Variants in NDUFAF2 observed in about 807,000 individuals in gnomAD.
The protein encoded by NDUFAF2 is NADH dehydrogenase [ubiquinone] 1 alpha subcomplex assembly factor 2.
A neutral mutation model predicts 22.8 loss-of-function variants in NDUFAF2; 13 were observed. The observed-to-expected ratio is 0.57, with a 90% CI of 0.37 to 0.91. The LOEUF is 0.91. Among genes scored for constraint, NDUFAF2 ranks in the 40% least tolerant of loss-of-function variants. The pLI is 0.01. For synonymous variants in NDUFAF2, 53 were observed against 64.2 expected (o/e 0.83, Z 0.84); for missense variants, 162 against 195.2 (o/e 0.83, Z 1.01).
chr5:60,968,371 A>G (rs1750784996), intron 1 of NDUFAF2, among the ~76,000 whole-genome samples: 2 of 151,454 alleles, frequency 1.3e-5, no homozygotes, highest in South Asian at 2.1e-4. Context: ...CTTTTCTTCT[A>G]TTAACTTTGA....
intron 2 of NDUFAF2, among the ~76,000 whole-genome samples, chr5:61,096,345 A>G (rs572042821): frequency 4.6e-4 from 70 of 152,270 alleles, no homozygotes; most frequent in African/African-American, 1.7e-3. Flanking sequence ...TCACGCCTGT[A>G]ATCCCAGGAC....
At chr5:61,088,381 G>A (rs1752529522) in intron 2 of NDUFAF2, among the ~76,000 whole-genome samples, 1 of 152,018 alleles carries the variant, frequency 6.6e-6, no homozygotes. Context: ...ATGAGTACCA[G>A]GAGGTGGTGG....
chr5:61,145,140 C>T (rs1741120098), intron 3 of NDUFAF2, among the ~76,000 whole-genome samples: 1 of 152,128 alleles, frequency 6.6e-6, no homozygotes, highest in Non-Finnish European at 1.5e-5. Context: ...TTTGTCATTA[C>T]TACACATAGC....
chr5:61,144,445 T>C, intron 3 of NDUFAF2, among the ~76,000 whole-genome samples: 1 of 152,346 alleles, frequency 6.6e-6, no homozygotes, highest in Non-Finnish European at 1.5e-5. Flanking sequence ...ATTTACCTTT[T>C]CTTGTTAAGT....
chr5:60,983,905 A>G (rs1016186630), intron 1 of NDUFAF2, among the ~76,000 whole-genome samples: 1 of 152,092 alleles, frequency 6.6e-6, no homozygotes, highest in African/African-American at 2.4e-5. Context: ...TTCCATATGA[A>G]CTTTAAAGTA....
At chr5:61,124,219 C>G (rs940038574) in intron 3 of NDUFAF2, among the ~76,000 whole-genome samples, 8 of 152,052 alleles carry the variant, frequency 5.3e-5, no homozygotes, top group Non-Finnish European at 8.8e-5. Context: ...CATTTCAATT[C>G]AGCAAATATT....
At chr5:61,019,703 A>G (rs1481638191) in intron 1 of NDUFAF2, among the ~76,000 whole-genome samples, 7 of 152,120 alleles carry the variant, frequency 4.6e-5, no homozygotes, top group African/African-American at 7.2e-5. Context: ...CTTTAAGACA[A>G]TAAGGAAAAT....
intron 1 of NDUFAF2, among the ~76,000 whole-genome samples, chr5:60,956,115 G>C (rs1320478543): frequency 2.0e-5 from 3 of 151,960 alleles, no homozygotes; most frequent in Non-Finnish European, 1.5e-5. Flanking sequence ...TGCCCAGGCT[G>C]GTTTTAAACT....
intron 1 of NDUFAF2, among the ~76,000 whole-genome samples, chr5:60,950,632 G>T (rs910356854): frequency 6.8e-6 from 1 of 146,982 alleles, no homozygotes; most frequent in Non-Finnish European, 1.5e-5. Context: ...TCACATGCTT[G>T]CTTGCTGGGT....
intron 1 of NDUFAF2, among the ~76,000 whole-genome samples, chr5:61,010,327 T>G (rs551580968): frequency 6.6e-6 from 1 of 152,128 alleles, no homozygotes; most frequent in African/African-American, 2.4e-5. Context: ...TCTGCCTTTC[T>G]GACAAGTATT....
intron 2 of NDUFAF2, among the ~76,000 whole-genome samples, chr5:61,084,293 C>T (rs1752479286): frequency 1.3e-5 from 2 of 151,084 alleles, no homozygotes; most frequent in South Asian, 4.2e-4. Flanking sequence ...AAATTATCCT[C>T]CCTTTTCATT....
chr5:61,101,773 A>T (rs1309457252), intron 3 of NDUFAF2, among the ~76,000 whole-genome samples: 1 of 152,168 alleles, frequency 6.6e-6, no homozygotes, highest in East Asian at 1.9e-4. Context: ...TGAGCAAAAC[A>T]TGTGCAAGAT....
chr5:61,011,912 A>G (rs531991421), intron 1 of NDUFAF2, among the ~76,000 whole-genome samples: 7 of 152,222 alleles, frequency 4.6e-5, no homozygotes, highest in Admixed American at 1.3e-4. Flanking sequence ...TGCCTCCAAT[A>G]TGAACTTTCT....
intron 1 of NDUFAF2, among the ~76,000 whole-genome samples, chr5:61,056,563 A>G (rs1347214927): frequency 6.6e-6 from 1 of 152,112 alleles, no homozygotes; most frequent in Admixed American, 6.5e-5. Context: ...AAAGTTTGTC[A>G]TAGGAAGAGT....
intron 1 of NDUFAF2, among the ~76,000 whole-genome samples, chr5:60,995,662 C>T (rs1185159371): frequency 6.6e-6 from 1 of 152,200 alleles, no homozygotes; most frequent in African/African-American, 2.4e-5. Context: ...TTGCCCAAGG[C>T]CTGCTGTAAC....
At chr5:61,081,622 G>T (rs1280422756) in intron 2 of NDUFAF2, among the ~76,000 whole-genome samples, 2 of 152,188 alleles carry the variant, frequency 1.3e-5, no homozygotes, top group African/African-American at 2.4e-5. Context: ...AACAGAGCAT[G>T]TAAAGATCAA....
intron 1 of NDUFAF2, among the ~76,000 whole-genome samples, chr5:60,972,180 A>G (rs1394243057): frequency 1.3e-5 from 2 of 150,834 alleles, no homozygotes; most frequent in African/African-American, 4.9e-5. Context: ...TGACCTCGTG[A>G]TCTGCCTGCC....
At chr5:60,995,280 G>A (rs557512696) in intron 1 of NDUFAF2, among the ~76,000 whole-genome samples, 40 of 152,262 alleles carry the variant, frequency 2.6e-4, no homozygotes, top group African/African-American at 9.1e-4. Context: ...TGAAAGGTTA[G>A]GTATTATAGT....
intron 1 of NDUFAF2, among the ~76,000 whole-genome samples, chr5:61,027,074 A>T (rs1365475474): frequency 6.6e-6 from 1 of 151,706 alleles, no homozygotes; most frequent in Non-Finnish European, 1.5e-5. Context: ...ATTTAATATT[A>T]GTTTATAAAA....
Sources: allele counts gnomAD v4.1 joint callset (sites outside exome capture counted in the v4.1 genomes callset), GRCh38; gene constraint gnomAD v4.1.1; transcripts MANE v1.5; gene names NCBI Gene and HGNC (gene_info 2026-07-23, HGNC 2026-07-21).